The following SLC9A9 variants were observed in gnomAD, a reference collection of about 807,000 sequenced individuals.
SLC9A9 encodes the protein sodium/hydrogen exchanger 9.
SLC9A9 carries 62 observed loss-of-function variants against 77.8 expected under a neutral mutation model. That is an observed-to-expected ratio of 0.80 (90% CI 0.65 to 0.98). SLC9A9 has a LOEUF of 0.98. Ranked by LOEUF, SLC9A9 falls within the 50% of genes least tolerant of loss-of-function variation. The pLI is 0.00. For missense variants in SLC9A9, 775 were observed against 774.9 expected (o/e 1.00, Z 0.00); for synonymous variants, 320 against 283.5 (o/e 1.13, Z -1.29).
intron 4 of SLC9A9, among the ~76,000 whole-genome samples, chr3:143,789,290 G>A (rs533871639): frequency 3.3e-5 from 5 of 152,130 alleles, no homozygotes; most frequent in Admixed American, 2.6e-4. Context: ...AATTCTCACC[G>A]TCCTGACTTT....
At chr3:143,366,216 C>T (rs1297159988) in intron 13 of SLC9A9, among the ~76,000 whole-genome samples, 2 of 152,174 alleles carry the variant, frequency 1.3e-5, no homozygotes, top group East Asian at 3.8e-4. Flanking sequence ...TATTGAATGC[C>T]CATTAACTCC....
intron 9 of SLC9A9, among the ~76,000 whole-genome samples, 162 bp from the exon 10 acceptor site, chr3:143,495,610 C>T (rs1279817214): frequency 6.6e-6 from 1 of 152,202 alleles, no homozygotes; most frequent in Non-Finnish European, 1.5e-5. Context: ...GGCCCTGGCT[C>T]TTGACCCAGG....
chr3:143,666,037 A>G (rs1022712141), intron 5 of SLC9A9, among the ~76,000 whole-genome samples: 2 of 152,224 alleles, frequency 1.3e-5, no homozygotes, highest in Non-Finnish European at 2.9e-5. Context: ...ACAAAAAAAG[A>G]GACTTTTAGA....
intron 2 of SLC9A9, among the ~76,000 whole-genome samples, chr3:143,825,035 G>A (rs1018813361): frequency 5.9e-5 from 9 of 152,148 alleles, no homozygotes; most frequent in African/African-American, 2.2e-4. Flanking sequence ...AAATCATGGA[G>A]CCCTATTCTC....
chr3:143,520,417 T>C (rs9817782), intron 9 of SLC9A9, among the ~76,000 whole-genome samples: 33,716 of 152,140 alleles, frequency 0.22, 4,823 homozygotes, highest in Non-Finnish European at 0.33. Flanking sequence ...CCTCACCAGA[T>C]ACAAATCTAC....
intron 6 of SLC9A9, among the ~76,000 whole-genome samples, chr3:143,651,050 C>T (rs960504141): frequency 1.3e-5 from 2 of 152,148 alleles, no homozygotes; most frequent in East Asian, 3.8e-4. Flanking sequence ...CTTGGCAGCT[C>T]AGGAAGTAAA....
intron 13 of SLC9A9, among the ~76,000 whole-genome samples, chr3:143,372,786 G>A (rs1423450287): frequency 6.6e-6 from 1 of 151,972 alleles, no homozygotes; most frequent in Non-Finnish European, 1.5e-5. Flanking sequence ...CCCATCAAAA[G>A]GTGGACAAAT....
intron 1 of SLC9A9, 100 bp downstream of exon 1, chr3:143,848,048 G>A: frequency 8.8e-7 from 1 of 1,141,430 alleles, no homozygotes; most frequent in Non-Finnish European, 1.3e-6. Context: ...ATTTCAATCA[G>A]CACATTTTCT....
At chr3:143,799,283 T>C (rs549263692) in intron 2 of SLC9A9, among the ~76,000 whole-genome samples, 5 of 152,312 alleles carry the variant, frequency 3.3e-5, no homozygotes, top group African/African-American at 1.2e-4. Context: ...ATTCTCAATA[T>C]GCATTTTATT....
chr3:143,393,677 A>G lies in SLC9A9; in HGVS notation c.1470-11563T>C, dbSNP rs973375517. On this transcript the variant is annotated intron_variant, in intron 12 of 15. Coordinates refer to ENST00000316549, the MANE Select transcript of SLC9A9 (RefSeq NM_173653.4). ...GAATACAGGAGCTGGTTTTTTGAAA[A>G]GATCAACAAAATTGATAGACCGCTA... is the stretch of plus-strand genomic sequence containing the variant. Among the ~76,000 whole-genome samples the G allele has an allele frequency of 4.6e-5, 7 of 152,252 alleles. No homozygotes were observed. The East Asian group carries it at 7.7e-4, about 17-fold the overall frequency.
chr3:143,574,214 G>C lies in SLC9A9; in HGVS notation c.895-21C>G, dbSNP rs1457990410. On this transcript the variant is annotated intron_variant, in intron 7 of 15. Transcript: ENST00000316549. ...GTCAAGTGAGGAAGATAAGTTAAGG[G>C]AAACAACAACAGCTTTTACAGCTAC... is the stretch of plus-strand genomic sequence containing the variant. 7 of 1,588,624 alleles carry C rather than the reference G, an allele frequency of 4.4e-6. No homozygotes were observed. In the African/African-American group the frequency reaches 8.1e-5, roughly 18 times the overall value.
chr3:143,283,377 G>C (rs1046284956), intron 14 of SLC9A9, among the ~76,000 whole-genome samples: 2 of 152,142 alleles, frequency 1.3e-5, no homozygotes, highest in African/African-American at 2.4e-5. Flanking sequence ...GATTTCCCTA[G>C]GGCAGTTCTT....
intron 8 of SLC9A9, among the ~76,000 whole-genome samples, chr3:143,562,476 G>T (rs1020402315): frequency 1.3e-5 from 2 of 151,992 alleles, no homozygotes; most frequent in Non-Finnish European, 2.9e-5. Context: ...ATCCATTATA[G>T]ATAGGGAATA....
chr3:143,279,795 AT>A (rs763363102), intron 14 of SLC9A9, among the ~76,000 whole-genome samples: 1 of 152,030 alleles, frequency 6.6e-6, no homozygotes, highest in Non-Finnish European at 1.5e-5. Flanking sequence ...GGGGCATTAG[AT>A]TTTTAATGTC....
chr3:143,646,732 T>G (rs1024269128), intron 6 of SLC9A9, among the ~76,000 whole-genome samples: 25 of 152,182 alleles, frequency 1.6e-4, no homozygotes, highest in African/African-American at 5.5e-4. Context: ...GATCAAATGA[T>G]TCACAAAATC....
intron 14 of SLC9A9, among the ~76,000 whole-genome samples, chr3:143,348,899 C>G (rs113117783): frequency 3.3e-5 from 5 of 152,282 alleles, no homozygotes; most frequent in African/African-American, 1.2e-4. Context: ...CTTAGAGAGA[C>G]TGGTTCAAGC....
chr3:143,723,711 A>G (rs1349791700), intron 4 of SLC9A9, among the ~76,000 whole-genome samples: 1 of 152,200 alleles, frequency 6.6e-6, no homozygotes, highest in Non-Finnish European at 1.5e-5. Flanking sequence ...TTGAAGGAGC[A>G]TGGTCAGGGG....
In SLC9A9 at chr3:143,394,165, A is replaced by G. The variant is rs183897296; in HGVS notation, c.1470-12051T>C. On this transcript the variant is annotated intron_variant, in intron 12 of 15. Transcript: ENST00000316549. ...CACAACAAAAAAAAGAGAATTTTAGACCAATATCCCTGATGAACATCAATG... is the reference window on the plus strand; with the variant it reads ...CACAACAAAAAAAAGAGAATTTTAGGCCAATATCCCTGATGAACATCAATG... Among the ~76,000 whole-genome samples, 646 of 152,278 alleles carry G rather than the reference A, an allele frequency of 4.2e-3. 4 individuals are homozygous for G. Among genetic ancestry groups the G allele is most frequent in the African/African-American group, 0.015 (615 of 41,554 alleles).
intron 6 of SLC9A9, among the ~76,000 whole-genome samples, chr3:143,604,358 G>A (rs1472499901): frequency 6.6e-6 from 1 of 152,206 alleles, no homozygotes; most frequent in African/African-American, 2.4e-5. Flanking sequence ...AAGAAGTAAG[G>A]TTTTCTCTTA....
Sources: gnomAD v4.1 joint callset for allele counts (sites outside exome capture counted in the v4.1 genomes callset) on GRCh38, gnomAD v4.1.1 for gene constraint, MANE v1.5 for transcripts, NCBI Gene and HGNC (gene_info 2026-07-23, HGNC 2026-07-21) for gene names.